Variants in CEP89 observed in about 807,000 individuals in gnomAD.
CEP89 encodes centrosomal protein 89.
In CEP89, 95 loss-of-function variants were observed where a neutral mutation model predicts 97.6. The ratio of observed to expected loss-of-function variants is 0.97; its 90% CI spans 0.82 to 1.15. The LOEUF (loss-of-function observed/expected upper bound fraction) is 1.15, where lower values mean the gene tolerates loss of function less well. Among genes scored for constraint, CEP89 ranks in the 50% most tolerant of loss-of-function variants. CEP89 has a pLI of 0.00. For synonymous variants in CEP89, 354 were observed against 349.1 expected (o/e 1.01, Z -0.16); for missense variants, 869 against 947.7 (o/e 0.92, Z 1.09).
chr19:32,919,923 G>A (rs1970212662), intron 12 of CEP89, among the ~76,000 whole-genome samples: 2 of 152,214 alleles, frequency 1.3e-5, no homozygotes, highest in Admixed American at 1.3e-4. Context: ...TGGGATTACA[G>A]GCGTGAGCCA....
intron 3 of CEP89, among the ~76,000 whole-genome samples, chr19:32,957,321 G>T (rs1317207498): frequency 6.6e-6 from 1 of 152,186 alleles, no homozygotes; most frequent in Non-Finnish European, 1.5e-5. Flanking sequence ...TAGGTTGATG[G>T]AAAAGTCAGA....
chr19:32,934,182 G>T lies in CEP89; in HGVS notation c.668-513C>A, dbSNP rs371700884. On this transcript the variant is annotated intron_variant, in intron 7 of 18. Transcript: ENST00000305768. ...AAGCAGACCCAGGATGACCACCCAG[G>T]TCTGTGTCTGGCAGATGCTCCCCCA... Among the ~76,000 whole-genome samples the T allele has an allele frequency of 3.0e-3, 389 of 130,500 alleles. 1 individual carries two copies. The highest frequency in any genetic ancestry group is 9.0e-3 in the African/African-American group (326 of 36,342). 85.6% of individuals were successfully genotyped at this position (130,500 alleles called of 152,430 possible). A position where few individuals can be genotyped will look rare whatever the true frequency, so the allele number is the denominator to read the frequency against.
At chr19:32,961,845 T>G (rs897666359) in intron 2 of CEP89, among the ~76,000 whole-genome samples, 6 of 151,770 alleles carry the variant, frequency 4.0e-5, no homozygotes, top group African/African-American at 1.5e-4. Context: ...GGTCTCAATA[T>G]GTTCTCCAGG....
chr19:32,893,051 A>T (rs1442201934), intron 16 of CEP89, among the ~76,000 whole-genome samples: 1 of 152,142 alleles, frequency 6.6e-6, no homozygotes, highest in Non-Finnish European at 1.5e-5. Flanking sequence ...GTAACCTTGA[A>T]TGTAAATTAA....
chr19:32,902,010 C>CTGTGTGTGTGTGTGTGTGTG lies in CEP89; in HGVS notation c.1566-618_1566-599dup, dbSNP rs929591410. Among the ~76,000 whole-genome samples, 415 of 133,772 alleles carry CTGTGTGTGTGTGTGTGTGTG rather than the reference C, an allele frequency of 3.1e-3. 3 individuals are homozygous for CTGTGTGTGTGTGTGTGTGTG. Among genetic ancestry groups the CTGTGTGTGTGTGTGTGTGTG allele is most frequent in the South Asian group, 5.4e-3 (21 of 3,864 alleles). The allele number at this position is 133,772 out of a possible 152,430, so 87.8% of individuals were successfully genotyped here. A position where few individuals can be genotyped will look rare whatever the true frequency, so the allele number is the denominator to read the frequency against. On this transcript the variant is annotated intron_variant, in intron 14 of 18. Transcript: ENST00000305768. Reference sequence around the variant, plus strand: ...TCTGTCTCTCTGTCTCTCTCTCTCTCTGTGTGTGTGTGTGTGTGTGTGTGT... The same window carrying CTGTGTGTGTGTGTGTGTGTG: ...TCTGTCTCTCTGTCTCTCTCTCTCTCTGTGTGTGTGTGTGTGTGTGTGTGTGTGTGTGTGTGTGTGTGTGT...
At chr19:32,880,636 A>AT (rs1222984711) in intron 18 of CEP89, among the ~76,000 whole-genome samples, 823 of 57,940 alleles carry the variant, frequency 0.014, 11 homozygotes, top group African/African-American at 0.055. Context: ...AAGACCTTGT[A>AT]TTTAAAAAAA....
At chr19:32,960,141 G>T (rs1237769927) in intron 2 of CEP89, 83 bp from the exon 3 acceptor site, 5 of 1,444,784 alleles carry the variant, frequency 3.5e-6, no homozygotes, top group Non-Finnish European at 4.8e-6. Flanking sequence ...ACTCATCAAG[G>T]CTTACCTTCT....
At chr19:32,908,751 T>C (rs1969941073) in intron 14 of CEP89, among the ~76,000 whole-genome samples, 1 of 152,154 alleles carries the variant, frequency 6.6e-6, no homozygotes. Flanking sequence ...GAATACTCAC[T>C]GATTTATCAG....
chr19:32,879,853 A>G (rs1969243663), intron 18 of CEP89, among the ~76,000 whole-genome samples: 1 of 152,224 alleles, frequency 6.6e-6, no homozygotes, highest in Non-Finnish European at 1.5e-5. Flanking sequence ...TGACCTGGCC[A>G]GCACTCAGTG....
chr19:32,879,002 C>A lies in CEP89; in HGVS notation c.*160G>T. 1 of 487,486 alleles carries A rather than the reference C, an allele frequency of 2.1e-6. No individual in the cohort carries two copies. Among genetic ancestry groups the A allele is most frequent in the Non-Finnish European group, 3.6e-6 (1 of 280,998 alleles). 30.2% of individuals were successfully genotyped at this position (487,486 alleles called of 1,614,324 possible). A position where few individuals can be genotyped will look rare whatever the true frequency, so the allele number is the denominator to read the frequency against. On this transcript the variant is annotated 3_prime_UTR_variant, in exon 19 of 19. Transcript: ENST00000305768. ...ATTAAAAAATAAAGCAAAATGTTAT[C>A]AATGGATTAAACTATGAGACCATTT...
chr19:32,968,797 A>T (rs563075627), intron 1 of CEP89: 4 of 152,168 alleles, frequency 2.6e-5, no homozygotes, highest in Non-Finnish European at 5.9e-5. Flanking sequence ...GTTCCTACCA[A>T]GTGTTATGGG....
At chr19:32,940,384 C>T (rs111683086) in intron 5 of CEP89, among the ~76,000 whole-genome samples, 40 of 142,376 alleles carry the variant, frequency 2.8e-4, no homozygotes, top group South Asian at 6.8e-4. Context: ...CTCCCCATCA[C>T]GCTCTACACA....
chr19:32,916,696 CAT>C (rs1394735908), intron 13 of CEP89, among the ~76,000 whole-genome samples: 49 of 152,286 alleles, frequency 3.2e-4, no homozygotes, highest in African/African-American at 1.2e-3. Flanking sequence ...TAAAACTGTA[CAT>C]CTCTCTACTC....
At chr19:32,948,915 A>G (rs1235754089) in intron 4 of CEP89, among the ~76,000 whole-genome samples, 1 of 151,870 alleles carries the variant, frequency 6.6e-6, no homozygotes, top group Non-Finnish European at 1.5e-5. Flanking sequence ...TTTTGTAGAG[A>G]CAAGGTCTCC....
chr19:32,925,585 T>C (rs924815133), intron 11 of CEP89, among the ~76,000 whole-genome samples: 22 of 149,834 alleles, frequency 1.5e-4, no homozygotes, highest in Non-Finnish European at 2.7e-4. Context: ...AGCTCCCTGG[T>C]TCAAGCTATT....
chr19:32,962,408 T>C (rs903340077), intron 2 of CEP89, among the ~76,000 whole-genome samples: 1 of 152,160 alleles, frequency 6.6e-6, no homozygotes, highest in African/African-American at 2.4e-5. Flanking sequence ...ACATCTGAGG[T>C]AGTATCTTTA....
At chr19:32,889,816 C>A (rs1361843324) in intron 16 of CEP89, among the ~76,000 whole-genome samples, 1 of 152,082 alleles carries the variant, frequency 6.6e-6, no homozygotes, top group African/African-American at 2.4e-5. Context: ...AGGGTTTGTT[C>A]GGCCCTTTAG....
intron 3 of CEP89, among the ~76,000 whole-genome samples, chr19:32,957,193 T>C (rs150595348): frequency 2.2e-3 from 334 of 152,086 alleles, no homozygotes; most frequent in African/African-American, 7.7e-3. Context: ...AATGGCTTTT[T>C]ATTGCATCAA....
rs564953589 is a variant in CEP89 at position 32,936,078 on chromosome 19, G to A, written c.667+1553C>T. ...TAGGACCTGGGTGTCTCTGCAGTCTGCACCCTCGGGGGCCTGGGAAGGCTC... is the reference window on the plus strand; with the variant it reads ...TAGGACCTGGGTGTCTCTGCAGTCTACACCCTCGGGGGCCTGGGAAGGCTC... On this transcript the variant is annotated intron_variant, in intron 7 of 18. Transcript: ENST00000305768. The surrounding 1 kb of genome is among the most constrained non-coding windows in gnomAD (Gnocchi z 4.5). Among the ~76,000 whole-genome samples, 1 of 152,228 alleles carries A rather than the reference G, an allele frequency of 6.6e-6. No individual in the cohort carries two copies. The highest frequency in any genetic ancestry group is 6.5e-5 in the Admixed American group (1 of 15,302).
Sources: gnomAD v4.1 joint callset for allele counts (sites outside exome capture counted in the v4.1 genomes callset) on GRCh38, gnomAD v4.1.1 for gene constraint, Gnocchi (gnomAD v3.1) non-coding constraint, MANE v1.5 for transcripts, NCBI Gene and HGNC (gene_info 2026-07-23, HGNC 2026-07-21) for gene names.